Variants in CTNNA3 observed in about 807,000 individuals in gnomAD.
CTNNA3 encodes the protein catenin alpha-3.
In CTNNA3, 76 loss-of-function variants were observed where a neutral mutation model predicts 95.7. That is an observed-to-expected ratio of 0.79 (90% confidence interval 0.66 to 0.96). CTNNA3 has a LOEUF of 0.96. CTNNA3 is among the 40% of genes least tolerant of loss of function. The pLI is 0.00. For synonymous variants in CTNNA3, 431 were observed against 374.4 expected, an observed-to-expected ratio of 1.15 and a Z score of -1.74; for missense variants, 1,191 against 1,089.8, an observed-to-expected ratio of 1.09 and a Z score of -1.31.
intron 10 of CTNNA3, among the ~76,000 whole-genome samples, chr10:66,546,763 C>G (rs1338121160): frequency 6.6e-6 from 1 of 152,128 alleles, no homozygotes; most frequent in African/African-American, 2.4e-5. Flanking sequence ...TGGTCCCACT[C>G]TTGACACGTG....
chr10:67,200,734 A>C (rs1163062884), intron 6 of CTNNA3, among the ~76,000 whole-genome samples: 1 of 152,168 alleles, frequency 6.6e-6, no homozygotes, highest in Non-Finnish European at 1.5e-5. Flanking sequence ...CCTAAAGCCC[A>C]AAAGACAGTC....
intron 7 of CTNNA3, among the ~76,000 whole-genome samples, chr10:67,036,571 A>G (rs888200021): frequency 1.3e-5 from 2 of 151,970 alleles, no homozygotes; most frequent in Non-Finnish European, 2.9e-5. Flanking sequence ...CAAGGTCTCC[A>G]TGTTGCCCAG....
At chr10:67,108,240 CAAAT>C (rs1027368350) in intron 7 of CTNNA3, among the ~76,000 whole-genome samples, 4 of 152,014 alleles carry the variant, frequency 2.6e-5, no homozygotes, top group African/African-American at 9.7e-5. Context: ...AAAGTACAGT[CAAAT>C]ATATATATTT....
At chr10:67,255,690 T>C (rs772527887) in intron 5 of CTNNA3, among the ~76,000 whole-genome samples, 4 of 152,226 alleles carry the variant, frequency 2.6e-5, no homozygotes, top group Non-Finnish European at 5.9e-5. Context: ...CAAAGTATTT[T>C]AGCTCCAGAG....
intron 14 of CTNNA3, among the ~76,000 whole-genome samples, chr10:66,073,313 T>C (rs534738731): frequency 1.3e-5 from 2 of 152,272 alleles, no homozygotes; most frequent in African/African-American, 4.8e-5. Context: ...GTAATGCATG[T>C]GTTAATTAGC....
intron 7 of CTNNA3, among the ~76,000 whole-genome samples, chr10:67,071,166 G>T (rs1335177969): frequency 6.6e-6 from 1 of 151,996 alleles, no homozygotes; most frequent in African/African-American, 2.4e-5. Context: ...ACATTCATTT[G>T]TATAAAATGC....
chr10:66,163,317 C>A (rs2084948570), intron 13 of CTNNA3, among the ~76,000 whole-genome samples: 1 of 152,116 alleles, frequency 6.6e-6, no homozygotes, highest in Admixed American at 6.5e-5. Context: ...GGCCACCCTC[C>A]CAATGGATCT....
intron 7 of CTNNA3, among the ~76,000 whole-genome samples, chr10:67,143,931 A>G (rs1011974484): frequency 1.1e-4 from 16 of 152,208 alleles, no homozygotes; most frequent in Non-Finnish European, 2.2e-4. Flanking sequence ...AAGATTTTCA[A>G]TTTACTTTGC....
chr10:67,754,095 A>C (rs991251042), intron 1 of CTNNA3, among the ~76,000 whole-genome samples: 1 of 152,222 alleles, frequency 6.6e-6, no homozygotes, highest in African/African-American at 2.4e-5. Context: ...CTGGATAAAG[A>C]AAATGTGGTA....
At chr10:65,994,340 C>T (rs1943200120) in intron 15 of CTNNA3, among the ~76,000 whole-genome samples, 1 of 152,006 alleles carries the variant, frequency 6.6e-6, no homozygotes, top group African/African-American at 2.4e-5. Flanking sequence ...TAATAAATTT[C>T]CTCAGTTTTT....
intron 5 of CTNNA3, among the ~76,000 whole-genome samples, chr10:67,221,617 G>C (rs915959222): frequency 6.6e-6 from 1 of 151,784 alleles, no homozygotes; most frequent in Non-Finnish European, 1.5e-5. Flanking sequence ...CTCTGTCGCC[G>C]AGGCTGGAGT....
intron 10 of CTNNA3, among the ~76,000 whole-genome samples, chr10:66,552,061 G>A (rs1480948344): frequency 6.6e-6 from 1 of 151,668 alleles, no homozygotes; most frequent in African/African-American, 2.4e-5. Flanking sequence ...GTGCCACCAC[G>A]CCCGGCTAAT....
intron 7 of CTNNA3, among the ~76,000 whole-genome samples, chr10:66,863,197 ACACACACACACACG>A (rs1844016147): frequency 6.6e-6 from 1 of 151,556 alleles, no homozygotes; most frequent in Admixed American, 6.6e-5. Flanking sequence ...ACACACACAC[ACACACACACACACG>A]CACACACATA....
At chr10:67,114,845 A>T (rs915432900) in intron 7 of CTNNA3, among the ~76,000 whole-genome samples, 3 of 151,720 alleles carry the variant, frequency 2.0e-5, no homozygotes, top group Non-Finnish European at 4.4e-5. Flanking sequence ...CTCTTTTTTT[A>T]AAAAAATCTC....
intron 5 of CTNNA3, among the ~76,000 whole-genome samples, chr10:67,390,459 C>T (rs967341056): frequency 2.0e-5 from 3 of 152,040 alleles, no homozygotes; most frequent in Non-Finnish European, 4.4e-5. Context: ...TATTCACAGC[C>T]GAATTCTACA....
intron 9 of CTNNA3, among the ~76,000 whole-genome samples, chr10:66,663,816 A>G (rs1846345963): frequency 6.6e-6 from 1 of 152,154 alleles, no homozygotes; most frequent in African/African-American, 2.4e-5. Context: ...AGAATGCAGA[A>G]ACTTCTGCAT....
intron 12 of CTNNA3, among the ~76,000 whole-genome samples, chr10:66,318,483 C>T (rs541654518): frequency 5.8e-4 from 88 of 151,870 alleles, no homozygotes; most frequent in Middle Eastern, 3.4e-3. Flanking sequence ...TCTGGTCTTC[C>T]CTCATTTTGA....
At chr10:66,859,551 C>T (rs957995836) in intron 7 of CTNNA3, among the ~76,000 whole-genome samples, 5 of 151,326 alleles carry the variant, frequency 3.3e-5, no homozygotes, top group African/African-American at 1.2e-4. Flanking sequence ...AATAGGAACA[C>T]TTTTACACTG....
At chr10:67,069,519 A>G (rs1856305280) in intron 7 of CTNNA3, among the ~76,000 whole-genome samples, 1 of 152,094 alleles carries the variant, frequency 6.6e-6, no homozygotes, top group African/African-American at 2.4e-5. Context: ...AGCAATATCT[A>G]AACTAAGAAA....
Sources: allele counts gnomAD v4.1 joint callset (sites outside exome capture counted in the v4.1 genomes callset), GRCh38; gene constraint gnomAD v4.1.1; transcripts MANE v1.5; gene names NCBI Gene and HGNC (gene_info 2026-07-23, HGNC 2026-07-21).